The following DICER1 variants were observed in gnomAD, a reference collection of about 807,000 sequenced individuals.
The protein encoded by DICER1 is endoribonuclease Dicer.
DICER1 carries 43 observed loss-of-function variants against 194.1 expected under a neutral mutation model. That is an observed-to-expected ratio of 0.22 (90% CI 0.17 to 0.29). The LOEUF (loss-of-function observed/expected upper bound fraction) is 0.29, where lower values mean the gene tolerates loss of function less well. DICER1 is among the 10% of genes least tolerant of loss of function. The pLI is 1.00. For synonymous variants in DICER1, 832 were observed against 820.5 expected (o/e 1.01, Z -0.24); for missense variants, 1,608 against 2,317.0 (o/e 0.69, Z 6.28).
intron 21 of DICER1, among the ~76,000 whole-genome samples, chr14:95,101,347 G>A (rs1052716383): frequency 2.6e-5 from 4 of 152,130 alleles, no homozygotes; most frequent in East Asian, 1.9e-4. Context: ...ACAAATGGAC[G>A]AGTTTTGTAA....
rs1890715398 is a variant in DICER1, at chr14:95,099,816, G to T, written c.4170C>A (p.Asp1390Glu). ...TTTCCCATTTATCTGTGTTGCTTTTGTCTTGATTTACTACATAACCAGGAG... is the reference window on the plus strand; with the variant it reads ...TTTCCCATTTATCTGTGTTGCTTTTTTCTTGATTTACTACATAACCAGGAG... The part of the protein sequence containing the change: ...WLPPGYVVNQ[D>E]KSNTDKWEKD... The change falls in exon 22 of 27, where the codon GAC becomes GAA. Residue 1390 changes from aspartate to glutamate, a missense_variant. Coordinates refer to ENST00000343455, the MANE Select transcript of DICER1 (RefSeq NM_177438.3). 6.2e-7 allele frequency: 1 copy of T among 1,612,506 alleles called. No homozygotes were observed. The highest frequency in any genetic ancestry group is 1.1e-5 in the South Asian group (1 of 91,038).
intron 9 of DICER1, 26 bp downstream of exon 9, chr14:95,117,596 T>C (rs951154208): frequency 3.7e-6 from 6 of 1,613,742 alleles, no homozygotes; most frequent in Non-Finnish European, 5.1e-6. Flanking sequence ...AAACTGTTAT[T>C]GTACACTTAT....
chr14:95,118,294 G>A (rs1698441009), intron 8 of DICER1, among the ~76,000 whole-genome samples: 1 of 152,158 alleles, frequency 6.6e-6, no homozygotes, highest in Non-Finnish European at 1.5e-5. Flanking sequence ...TGTAACAAGA[G>A]TTCCAGCTGC....
At position 95,099,809 on chromosome 14, in the gene DICER1, T is replaced by C. The variant is rs2139901153; in HGVS notation, c.4177A>G (p.Asn1393Asp). 6.2e-7 allele frequency: 1 copy of C among 1,613,822 alleles called. No homozygotes were observed. The highest frequency in any genetic ancestry group is 1.7e-4 in the Middle Eastern group (1 of 6,060). Residue 1393 changes from asparagine to aspartate, a missense_variant, in exon 22 of 27, where the codon AAC (asparagine) becomes GAC (aspartate). Coordinates refer to ENST00000343455, the MANE Select transcript of DICER1 (RefSeq NM_177438.3). ...TCATCTTTTTCCCATTTATCTGTGT[T>C]GCTTTTGTCTTGATTTACTACATAA... ...PGYVVNQDKSNTDKWEKDEMT... is the reference protein window; with the variant it reads ...PGYVVNQDKSDTDKWEKDEMT...
chr14:95,094,940 A>C (rs532018262), intron 23 of DICER1, among the ~76,000 whole-genome samples: 1 of 152,358 alleles, frequency 6.6e-6, no homozygotes, highest in East Asian at 1.9e-4. Context: ...GCGAGAACCC[A>C]GGTCTCGGAA....
rs199737359 is a variant in DICER1, at chr14:95,130,169, G to A, written c.462C>T (p.Val154=). 2.5e-6 allele frequency: 4 copies of A among 1,612,662 alleles called. No individual in the cohort carries two copies. Among genetic ancestry groups the A allele is most frequent in the Admixed American group, 1.7e-5 (1 of 59,972 alleles). ...AACCATTTTTCAAAACATTCAAGGC[G>A]ACATAGCAAGTCATAATGAGAACCT... ...KHQVLIMTCY[V]ALNVLKNGYL... The change falls in exon 5 of 27, where the codon GTC becomes GTT. Residue 154 remains valine (V), a synonymous_variant. Coordinates refer to ENST00000343455, the MANE Select transcript of DICER1 (RefSeq NM_177438.3).
chr14:95,135,396 T>A (rs1174292249), intron 1 of DICER1, among the ~76,000 whole-genome samples: 1 of 152,170 alleles, frequency 6.6e-6, no homozygotes, highest in African/African-American at 2.4e-5. Context: ...ACACATCTTC[T>A]CCTACTTCCA....
In DICER1 at chr14:95,105,764, G is replaced by A. The variant is rs1060503605; in HGVS notation, c.3007C>T (p.Arg1003Ter). ...GCTTTCCCCTTCTGATTCAAATGTC[G>A]AGGTGTCAAAAGATTAAGTCTGTAA... ...TSSRLNLLTPRHLNQKGKALP... is the reference protein window; with the variant it reads ...TSSRLNLLTP Residue 1003 changes from arginine to a stop codon, truncating the protein, a stop_gained, in exon 19 of 27, where the codon CGA (arginine) becomes TGA (stop). Transcript: ENST00000343455. LOFTEE classifies it high-confidence loss of function. The surrounding 1 kb of genome is among the most constrained non-coding windows in gnomAD (Gnocchi z 4.9). The A allele has an allele frequency of 1.9e-6, 3 of 1,613,982 alleles. No homozygotes were observed. The highest frequency in any genetic ancestry group is 2.5e-6 in the Non-Finnish European group (3 of 1,179,878).
In DICER1 at chr14:95,089,590, T is replaced by G. The variant is rs1889612528; in HGVS notation, c.*908A>C. The G allele has an allele frequency of 4.3e-6, 1 of 231,830 alleles. No individual in the cohort carries two copies. The highest frequency in any genetic ancestry group is 2.2e-5 in the African/African-American group (1 of 45,270). The allele number at this position is 231,830 out of a possible 1,614,324, so 14.4% of individuals were successfully genotyped here. ...AGGAGGACTTTAGTAAAATGGGGTG[T>G]TTAGCCAAAGATCATTTTTATGATA... is the stretch of plus-strand genomic sequence containing the variant. On this transcript the variant is annotated 3_prime_UTR_variant, in exon 27 of 27. Coordinates refer to ENST00000343455, the MANE Select transcript of DICER1 (RefSeq NM_177438.3).
At chr14:95,134,979 C>G (rs551705727) in intron 1 of DICER1, among the ~76,000 whole-genome samples, 21 of 152,298 alleles carry the variant, frequency 1.4e-4, no homozygotes, top group African/African-American at 5.1e-4. Flanking sequence ...AAGCCTAGTA[C>G]CCACTTTCCC....
intron 1 of DICER1, among the ~76,000 whole-genome samples, chr14:95,147,817 T>G (rs147798172): frequency 6.6e-6 from 1 of 152,068 alleles, no homozygotes; most frequent in Non-Finnish European, 1.5e-5. Flanking sequence ...TTAACTGGGG[T>G]TCCCACAACG....
chr14:95,100,350 T>C (rs921893420), intron 21 of DICER1, among the ~76,000 whole-genome samples: 15 of 152,166 alleles, frequency 9.9e-5, no homozygotes, highest in Non-Finnish European at 2.2e-4. Flanking sequence ...ATATTTTCAA[T>C]GAAATGGGGG....
chr14:95,155,422 AGATAGC>A (rs1895786248), intron 1 of DICER1, among the ~76,000 whole-genome samples: 1 of 152,222 alleles, frequency 6.6e-6, no homozygotes, highest in Non-Finnish European at 1.5e-5. Flanking sequence ...CCTCTCTAGA[AGATAGC>A]ACTACAAGTA....
At chr14:95,133,246 G>A in intron 2 of DICER1, 69 bp downstream of exon 2, 1 of 1,537,420 alleles carries the variant, frequency 6.5e-7, no homozygotes, top group East Asian at 2.2e-5. Context: ...TATATAAGTT[G>A]TGTCAACTAT....
chr14:95,093,829 A>C lies in DICER1; in HGVS notation c.5364+59T>G, dbSNP rs1188006457. ...AGACCACTATGCCGTCAGAACTCTG[A>C]AACTACAGAGACTCCTAGTTAGACC... On this transcript the variant is annotated intron_variant, in intron 24 of 26. Coordinates refer to ENST00000343455, the MANE Select transcript of DICER1 (RefSeq NM_177438.3). The C allele has an allele frequency of 1.9e-6, 3 of 1,579,948 alleles. No individual in the cohort carries two copies. The East Asian group carries it at 6.7e-5, about 35-fold the overall frequency.
rs960381662 is a variant in DICER1 at position 95,115,764 on chromosome 14, C to T, written c.1810G>A (p.Val604Ile). Reference sequence around the variant, plus strand: ...GGGAAAACGTCATCATCATCCATGACAGGATCAATGTCAGTCTCACCAGTA... The same window carrying T: ...GGGAAAACGTCATCATCATCCATGATAGGATCAATGTCAGTCTCACCAGTA... ...VDTGETDIDPVMDDDDVFPPY... is the reference protein window; with the variant it reads ...VDTGETDIDPIMDDDDVFPPY... The change falls in exon 11 of 27, where the codon GTC becomes ATC. Residue 604 changes from valine (V) to isoleucine (I), a missense_variant. Around this residue, in one of 10 missense-constraint regions of DICER1, gnomAD observed 657 missense variants for 910.1 expected, o/e 0.72. Transcript: ENST00000343455. 1 of 1,614,168 alleles carries T rather than the reference C, an allele frequency of 6.2e-7. No homozygotes were observed. The highest frequency in any genetic ancestry group is 8.5e-7 in the Non-Finnish European group (1 of 1,180,010).
chr14:95,102,029 G>A (rs1021897259), intron 21 of DICER1, among the ~76,000 whole-genome samples: 2 of 152,098 alleles, frequency 1.3e-5, no homozygotes, highest in African/African-American at 2.4e-5. Context: ...ATAAAATGGG[G>A]AAAATAAAAG....
intron 8 of DICER1, among the ~76,000 whole-genome samples, chr14:95,120,054 T>C (rs1309313869): frequency 6.6e-6 from 1 of 152,174 alleles, no homozygotes; most frequent in Non-Finnish European, 1.5e-5. Context: ...TTACAAAAAA[T>C]TGTGATCTGA....
Position 95,155,816 on chromosome 14 carries a change from GTTTT to G in DICER1, c.-46+1410_-46+1413del, listed in dbSNP as rs529697989. 5.3e-3 allele frequency among the ~76,000 whole-genome samples: 811 copies of G among 152,064 alleles called. 3 individuals are homozygous for G. The highest frequency in any genetic ancestry group is 0.018 in the African/African-American group (747 of 41,474). On this transcript the variant is annotated intron_variant, in intron 1 of 26. Transcript: ENST00000343455. ...TGTTAAAAGCAATCTTTAGTTTTTT[GTTTT>G]TTTATCTATTGAGTTTTATGGAATA...
Sources: gnomAD v4.1 joint callset for allele counts (sites outside exome capture counted in the v4.1 genomes callset) on GRCh38, gnomAD v4.1.1 for gene constraint, gnomAD v4.1.1 regional missense constraint, Gnocchi (gnomAD v3.1) non-coding constraint, MANE v1.5 for transcripts, NCBI Gene and HGNC (gene_info 2026-07-23, HGNC 2026-07-21) for gene names.